Variants in DACH2 observed in about 807,000 individuals in gnomAD.
The protein encoded by DACH2 is dachshund homolog 2.
In DACH2, 17 loss-of-function variants were observed where a neutral mutation model predicts 35.8. The observed-to-expected ratio is 0.48, with a 90% CI of 0.33 to 0.71. The LOEUF is 0.71. Ranked by LOEUF, DACH2 falls within the 30% of genes least tolerant of loss-of-function variation. The pLI is 0.02. For synonymous variants in DACH2, 195 were observed against 177.3 expected (o/e 1.10, Z -0.79); for missense variants, 469 against 472.7 (o/e 0.99, Z 0.07).
intron 1 of DACH2, among the ~76,000 whole-genome samples, chrX:86,208,374 A>G (rs903509016): frequency 9.0e-6 from 1 of 111,169 alleles, no homozygotes; most frequent in African/African-American, 3.3e-5. Flanking sequence ...TACATTGACA[A>G]TTTTGTCATA....
chrX:86,470,492 C>A (rs757537947), intron 2 of DACH2, among the ~76,000 whole-genome samples: 1 of 110,977 alleles, frequency 9.0e-6, no homozygotes, highest in East Asian at 2.8e-4. Context: ...GTTAATTTTA[C>A]GGCAGTTTCA....
chrX:86,662,607 G>T (rs1179378585), intron 4 of DACH2, among the ~76,000 whole-genome samples: 2 of 105,477 alleles, frequency 1.9e-5, no homozygotes, highest in African/African-American at 7.0e-5. Flanking sequence ...AAAAAAAAAG[G>T]TGGGAGATGG....
chrX:86,198,254 C>T (rs767798870), intron 1 of DACH2, among the ~76,000 whole-genome samples: 1 of 112,080 alleles, frequency 8.9e-6, no homozygotes, highest in African/African-American at 3.2e-5. Flanking sequence ...CTCTGGGGCA[C>T]AGCTTAGGCA....
In DACH2 at chrX:86,348,460, A is replaced by G. The variant is rs183094117; in HGVS notation, c.489-28364A>G. On this transcript the variant is annotated intron_variant, in intron 1 of 11. Coordinates refer to ENST00000373125, the MANE Select transcript of DACH2 (RefSeq NM_053281.3). ...AACTGAACCATAAATGTATAGTCAT[A>G]TGGGGTGAAAAAGTTTATTTCATTT... Among the ~76,000 whole-genome samples, 5 of 111,677 alleles carry G rather than the reference A, an allele frequency of 4.5e-5. No individual in the cohort carries two copies. The Admixed American group carries it at 4.7e-4, about 11-fold the overall frequency.
At chrX:86,322,255 T>A (rs1488666670) in intron 1 of DACH2, among the ~76,000 whole-genome samples, 2 of 111,168 alleles carry the variant, frequency 1.8e-5, no homozygotes, top group Non-Finnish European at 1.9e-5. Flanking sequence ...TAAGAAGATG[T>A]CGCCTTGTGC....
At chrX:86,189,816 C>T (rs2031776109) in intron 1 of DACH2, among the ~76,000 whole-genome samples, 1 of 111,068 alleles carries the variant, frequency 9.0e-6, no homozygotes, top group Non-Finnish European at 1.9e-5. Flanking sequence ...CACTCTTTTT[C>T]CTTTTTTGAG....
intron 2 of DACH2, among the ~76,000 whole-genome samples, chrX:86,380,830 T>G: frequency 9.0e-6 from 1 of 110,710 alleles, no homozygotes. Context: ...TTTAATTTTT[T>G]GTTTTAAGAT....
In DACH2 at chrX:86,450,709, C is replaced by T. The variant is rs906196240; in HGVS notation, c.528-63570C>T. Among the ~76,000 whole-genome samples the T allele has an allele frequency of 7.4e-5, 8 of 108,761 alleles. No homozygotes were observed. The South Asian group carries it at 1.2e-3, about 16-fold the overall frequency. The allele number at this position is 108,761 out of a possible 115,157, so 94.4% of individuals were successfully genotyped here. A position where few individuals can be genotyped will look rare whatever the true frequency, so the allele number is the denominator to read the frequency against. On this transcript the variant is annotated intron_variant, in intron 2 of 11. Coordinates refer to ENST00000373125, the MANE Select transcript of DACH2 (RefSeq NM_053281.3). ...ACCACAGTATAAAAGGGTTCCTTTT[C>T]CTTCACAAGCTTGCCAGAACCTTTT...
intron 1 of DACH2, among the ~76,000 whole-genome samples, chrX:86,332,831 G>C (rs1349295619): frequency 5.4e-5 from 6 of 111,763 alleles, no homozygotes; most frequent in African/African-American, 1.9e-4. Context: ...TAACAAGTTT[G>C]TTTCATCTCA....
At chrX:86,621,196 A>C (rs909210046) in intron 3 of DACH2, among the ~76,000 whole-genome samples, 4 of 111,743 alleles carry the variant, frequency 3.6e-5, no homozygotes, top group Non-Finnish European at 7.5e-5. Context: ...GGTGTCTTCT[A>C]GAAAGCTCTA....
rs987539211 is a variant in DACH2 at position 86,670,080 on chromosome X, A to G, written c.772+18913A>G. 3.6e-5 allele frequency among the ~76,000 whole-genome samples: 4 copies of G among 111,450 alleles called. No individual in the cohort carries two copies. The Admixed American group carries it at 3.8e-4, about 11-fold the overall frequency. On this transcript the variant is annotated intron_variant, in intron 4 of 11. Coordinates refer to ENST00000373125, the MANE Select transcript of DACH2 (RefSeq NM_053281.3). ...CAAATGTACAAATCAACTGTAAGGG[A>G]GTCTAGCTGCTTCATTATGAAAGCT...
intron 6 of DACH2, among the ~76,000 whole-genome samples, chrX:86,724,410 G>T (rs1018656939): frequency 3.6e-5 from 4 of 111,509 alleles, no homozygotes; most frequent in African/African-American, 1.3e-4. Flanking sequence ...ATCAGTGTTT[G>T]CTTGTCTGGG....
intron 2 of DACH2, among the ~76,000 whole-genome samples, chrX:86,399,424 A>G (rs1311514982): frequency 9.0e-6 from 1 of 111,651 alleles, no homozygotes; most frequent in East Asian, 2.8e-4. Context: ...TCCTTTCATT[A>G]TGATGTTAAC....
intron 1 of DACH2, among the ~76,000 whole-genome samples, chrX:86,264,389 C>T (rs888472709): frequency 3.6e-5 from 4 of 112,019 alleles, no homozygotes; most frequent in African/African-American, 9.7e-5. Flanking sequence ...TTTGCATACA[C>T]TTATTGTGCG....
intron 4 of DACH2, among the ~76,000 whole-genome samples, chrX:86,663,928 G>T (rs1054967174): frequency 2.7e-5 from 3 of 111,926 alleles, no homozygotes; most frequent in African/African-American, 9.7e-5. Context: ...GCAGAAATTT[G>T]CAAAGAAACC....
chrX:86,513,129 T>A (rs1319642875), intron 2 of DACH2, among the ~76,000 whole-genome samples: 1 of 112,092 alleles, frequency 8.9e-6, no homozygotes, highest in Non-Finnish European at 1.9e-5. Flanking sequence ...CTTACATTGA[T>A]GGATCATTTT....
intron 3 of DACH2, among the ~76,000 whole-genome samples, chrX:86,552,505 G>T (rs2039063840): frequency 8.9e-6 from 1 of 112,063 alleles, no homozygotes. Context: ...GTTAAGGATG[G>T]ACCTCTTCTT....
chrX:86,697,179 T>C (rs186180592), intron 5 of DACH2, among the ~76,000 whole-genome samples: 70 of 111,710 alleles, frequency 6.3e-4, no homozygotes, highest in African/African-American at 2.2e-3. Context: ...CATAAGATTA[T>C]AGAATGTTTG....
Position 86,456,673 on chromosome X carries a change from T to A in DACH2, c.528-57606T>A, listed in dbSNP as rs186953921. On this transcript the variant is annotated intron_variant, in intron 2 of 11. Coordinates refer to ENST00000373125, the MANE Select transcript of DACH2 (RefSeq NM_053281.3). ...TTCCTTCCGTAATGTTCTTTTTTTT[T>A]ATGTAGATCTGAGTTTGTGACCTAT... 5.0e-4 allele frequency among the ~76,000 whole-genome samples: 56 copies of A among 111,709 alleles called. 1 individual carries two copies. In the East Asian group the frequency reaches 7.6e-3, roughly 15 times the overall value.
Sources: allele counts gnomAD v4.1 joint callset (sites outside exome capture counted in the v4.1 genomes callset), GRCh38; gene constraint gnomAD v4.1.1; transcripts MANE v1.5; gene names NCBI Gene and HGNC (gene_info 2026-07-23, HGNC 2026-07-21).